IL23R: variants seen among roughly 807,000 people sequenced by gnomAD.
IL23R encodes the protein interleukin-23 receptor.
In IL23R, 34 loss-of-function variants were observed where a neutral mutation model predicts 56.9. That is an observed-to-expected ratio of 0.60 (90% CI 0.45 to 0.80). IL23R has a LOEUF of 0.80. Among genes scored for constraint, IL23R ranks in the 30% least tolerant of loss-of-function variants. The pLI, the probability that IL23R is intolerant of heterozygous loss-of-function variation, is 0.00. For missense variants in IL23R, 635 were observed against 730.0 expected (o/e 0.87, Z 1.50); for synonymous variants, 230 against 249.2 (o/e 0.92, Z 0.73).
chr1:67,256,648 CAT>C (rs2100390629), intron 10 of IL23R, among the ~76,000 whole-genome samples: 1 of 152,240 alleles, frequency 6.6e-6, no homozygotes, highest in East Asian at 1.9e-4. Context: ...TGAGCCCAAA[CAT>C]GTGATGGGAG....
intron 4 of IL23R, among the ~76,000 whole-genome samples, chr1:67,200,334 T>A (rs1398133224): frequency 6.6e-6 from 1 of 151,960 alleles, no homozygotes; most frequent in Non-Finnish European, 1.5e-5. Context: ...GAGCCATAAA[T>A]TCTAATTTTT....
chr1:67,248,008 T>C lies in IL23R; in HGVS notation c.1148+7727T>C, dbSNP rs533673283. ...GCTTTTAGTCTGATGGGCTTCCCTT[T>C]GTAGGTAACCAGACCTTTTTCTCTG... is the stretch of plus-strand genomic sequence containing the variant. On this transcript the variant is annotated intron_variant, in intron 9 of 10. Transcript: ENST00000347310. 1.1e-4 allele frequency among the ~76,000 whole-genome samples: 16 copies of C among 152,364 alleles called. No individual in the cohort carries two copies. In the East Asian group the frequency reaches 3.1e-3, roughly 29 times the overall value.
At chr1:67,238,341 GAAAAAA>G (rs34475912) in intron 8 of IL23R, among the ~76,000 whole-genome samples, 1 of 130,600 alleles carries the variant, frequency 7.7e-6, no homozygotes, top group Non-Finnish European at 1.6e-5. Context: ...CCTGTCTCAG[GAAAAAA>G]AAAAAAAAGA....
At chr1:67,199,513 G>C (rs1445215396) in intron 4 of IL23R, among the ~76,000 whole-genome samples, 1 of 152,144 alleles carries the variant, frequency 6.6e-6, no homozygotes, top group African/African-American at 2.4e-5. Context: ...TTCCCTAACA[G>C]GCACAGTAGG....
chr1:67,138,666 C>T (rs1008800984), upstream of IL23R, among the ~76,000 whole-genome samples: 1 of 152,156 alleles, frequency 6.6e-6, no homozygotes, highest in African/African-American at 2.4e-5. Flanking sequence ...TTCTGATTGT[C>T]TTTCTAGCTT....
intron 4 of IL23R, among the ~76,000 whole-genome samples, chr1:67,195,363 G>A (rs112220831): frequency 2.0e-5 from 3 of 152,260 alleles, no homozygotes; most frequent in African/African-American, 7.2e-5. Context: ...CAGAAAAATT[G>A]TTGTTTAATG....
At chr1:67,177,469 G>GT (rs1243205496) in intron 3 of IL23R, among the ~76,000 whole-genome samples, 7 of 151,834 alleles carry the variant, frequency 4.6e-5, no homozygotes, top group Non-Finnish European at 1.0e-4. Context: ...GGGGTTGTTT[G>GT]TTTTTTTCTT....
At chr1:67,193,583 T>TTGTG (rs1473690384) in intron 4 of IL23R, among the ~76,000 whole-genome samples, 1 of 152,122 alleles carries the variant, frequency 6.6e-6, no homozygotes, top group Non-Finnish European at 1.5e-5. Flanking sequence ...TGAATTATAC[T>TTGTG]AACTCCCTTC....
chr1:67,142,047 A>G (rs910039074), intron 1 of IL23R, among the ~76,000 whole-genome samples: 2 of 152,230 alleles, frequency 1.3e-5, no homozygotes, highest in Non-Finnish European at 2.9e-5. Flanking sequence ...CTGCACAGCT[A>G]GAGAAACAGT....
At chr1:67,205,231 G>A (rs957432042) in intron 5 of IL23R, among the ~76,000 whole-genome samples, 12 of 152,260 alleles carry the variant, frequency 7.9e-5, no homozygotes, top group African/African-American at 2.9e-4. Flanking sequence ...AATTTTATTA[G>A]AGGACTGTGT....
At position 67,237,460 on chromosome 1, in the gene IL23R, A is replaced by G. The variant is rs11465809; in HGVS notation, c.1045+658A>G. Reference sequence around the variant, plus strand: ...TCTTCTTCAATCTTTAAAACAACCCATGAGATAAGTGTTACGCATCTATTT... The same window carrying G: ...TCTTCTTCAATCTTTAAAACAACCCGTGAGATAAGTGTTACGCATCTATTT... On this transcript the variant is annotated intron_variant, in intron 8 of 10. Coordinates refer to ENST00000347310, the MANE Select transcript of IL23R (RefSeq NM_144701.3). Among the ~76,000 whole-genome samples the G allele has an allele frequency of 7.9e-3, 1,197 of 152,340 alleles. 18 individuals are homozygous for G. Among genetic ancestry groups the G allele is most frequent in the African/African-American group, 0.027 (1,135 of 41,572 alleles).
intron 9 of IL23R, among the ~76,000 whole-genome samples, chr1:67,248,669 G>A (rs970346850): frequency 2.6e-5 from 4 of 152,130 alleles, no homozygotes; most frequent in Admixed American, 6.5e-5. Flanking sequence ...GAGGAGTTGT[G>A]ATCCTTTGGA....
intron 1 of IL23R, 23 bp from the exon 2 acceptor site, chr1:67,168,069 C>CA: frequency 7.9e-7 from 1 of 1,273,080 alleles, no homozygotes; most frequent in Non-Finnish European, 1.1e-6. Flanking sequence ...ACAATTTAAA[C>CA]ATTTTTCATA....
chr1:67,214,163 A>T (rs1570862677), intron 6 of IL23R, among the ~76,000 whole-genome samples: 2 of 152,222 alleles, frequency 1.3e-5, no homozygotes, highest in East Asian at 3.8e-4. Flanking sequence ...CCGGGGCAAT[A>T]CAGTGAGACC....
At chr1:67,146,819 C>T (rs78377598) in intron 1 of IL23R, among the ~76,000 whole-genome samples, 6,273 of 152,296 alleles carry the variant, frequency 0.041, 135 homozygotes, top group East Asian at 0.077. Flanking sequence ...GATACCTCCC[C>T]TATCTTCACG....
At chr1:67,206,824 T>C in intron 5 of IL23R, 86 bp from the exon 6 acceptor site, 10 of 1,334,462 alleles carry the variant, frequency 7.5e-6, no homozygotes, top group African/African-American at 1.5e-5. Context: ...AGCTTTCTCA[T>C]ATCTAGATAT....
chr1:67,236,536 A>T (rs2100311992), intron 7 of IL23R, among the ~76,000 whole-genome samples, 177 bp from the exon 8 acceptor site: 1 of 151,880 alleles, frequency 6.6e-6, no homozygotes, highest in Middle Eastern at 3.4e-3. Context: ...CCAATTAAAT[A>T]AAAAGAAGAA....
chr1:67,206,138 G>A (rs887670113), intron 5 of IL23R, among the ~76,000 whole-genome samples: 3 of 151,686 alleles, frequency 2.0e-5, no homozygotes, highest in African/African-American at 7.3e-5. Flanking sequence ...TCAGCCTCCT[G>A]AGTAGCTGGG....
chr1:67,236,290 CA>C (rs1450169090), intron 7 of IL23R, among the ~76,000 whole-genome samples: 1 of 152,206 alleles, frequency 6.6e-6, no homozygotes, highest in East Asian at 1.9e-4. Context: ...AAAGATTGTG[CA>C]AAGGCAAAAG....
Sources: gnomAD v4.1 joint callset for allele counts (sites outside exome capture counted in the v4.1 genomes callset) on GRCh38, gnomAD v4.1.1 for gene constraint, MANE v1.5 for transcripts, NCBI Gene and HGNC (gene_info 2026-07-23, HGNC 2026-07-21) for gene names.